The following WDR59 variants were observed in gnomAD, a reference collection of about 807,000 sequenced individuals.
WDR59 encodes the protein WD repeat domain 59, also known as GATOR2 complex protein WDR59.
WDR59 carries 100 observed loss-of-function variants against 131.2 expected under a neutral mutation model. The ratio of observed to expected loss-of-function variants is 0.76; its 90% confidence interval spans 0.65 to 0.90. The LOEUF is 0.90. WDR59 is among the 40% of genes least tolerant of loss of function. The pLI is 0.00. For missense variants in WDR59, 1,203 were observed against 1,262.2 expected, an observed-to-expected ratio of 0.95 and a Z score of 0.71; for synonymous variants, 601 against 466.2, an observed-to-expected ratio of 1.29 and a Z score of -3.72.
At chr16:74,976,785 T>C (rs541947305) in intron 1 of WDR59, among the ~76,000 whole-genome samples, 1 of 152,080 alleles carries the variant, frequency 6.6e-6, no homozygotes, top group Non-Finnish European at 1.5e-5. Context: ...TGGGAGGCCA[T>C]GGTAGGTGGA....
intron 18 of WDR59, among the ~76,000 whole-genome samples, chr16:74,898,161 CAT>C (rs1965380660): frequency 6.6e-6 from 1 of 152,184 alleles, no homozygotes; most frequent in Non-Finnish European, 1.5e-5. Context: ...CAGGTAATAA[CAT>C]ATGGATTTCT....
chr16:74,900,615 C>T (rs754101576), intron 18 of WDR59, among the ~76,000 whole-genome samples: 3 of 152,152 alleles, frequency 2.0e-5, no homozygotes, highest in Non-Finnish European at 2.9e-5. Flanking sequence ...AGTCGGTTCA[C>T]TTGTCAAATG....
At position 74,981,064 on chromosome 16, in the gene WDR59, C is replaced by CAA. The variant is rs34466011; in HGVS notation, c.54+3898_54+3899dup. On this transcript the variant is annotated intron_variant, in intron 1 of 25. Coordinates refer to ENST00000262144, the MANE Select transcript of WDR59 (RefSeq NM_030581.4). ...ACAAGAACGTAAAGCCCCATCTCTG[C>CAA]AAAAAAAAACACACAAAAAGGCCGG... Among the ~76,000 whole-genome samples, 52 of 145,344 alleles carry CAA rather than the reference C, an allele frequency of 3.6e-4. 1 individual carries two copies. Among genetic ancestry groups the CAA allele is most frequent in the East Asian group, 2.0e-3 (10 of 5,014 alleles).
intron 10 of WDR59, 101 bp from the exon 11 acceptor site, chr16:74,918,109 A>G: frequency 8.9e-7 from 1 of 1,129,450 alleles, no homozygotes; most frequent in Non-Finnish European, 1.3e-6. Context: ...TTCAACAAAC[A>G]TCTACTGAAC....
intron 1 of WDR59, among the ~76,000 whole-genome samples, chr16:74,981,407 A>C (rs927021936): frequency 2.0e-5 from 3 of 148,360 alleles, no homozygotes; most frequent in African/African-American, 7.4e-5. Flanking sequence ...CACACACACA[A>C]AATTGTGGGG....
intron 6 of WDR59, 41 bp from the exon 7 acceptor site, chr16:74,942,867 G>A (rs2032340417): frequency 5.1e-6 from 8 of 1,582,708 alleles, no homozygotes; most frequent in African/African-American, 1.3e-5. Flanking sequence ...TGCCCTTGGT[G>A]CTTTCGGAAG....
chr16:74,883,005 T>G (rs149841888), intron 25 of WDR59, among the ~76,000 whole-genome samples: 2,027 of 148,654 alleles, frequency 0.014, 36 homozygotes, highest in African/African-American at 0.045. Flanking sequence ...GTTTCTTTCG[T>G]TTTTTTGTTT....
intron 6 of WDR59, among the ~76,000 whole-genome samples, chr16:74,943,995 C>T (rs569865627): frequency 6.6e-6 from 1 of 152,112 alleles, no homozygotes; most frequent in East Asian, 1.9e-4. Context: ...GTGGCTTCTT[C>T]GCACGGAAGG....
At chr16:74,927,659 T>C (rs540643065) in intron 8 of WDR59, among the ~76,000 whole-genome samples, 31 of 141,974 alleles carry the variant, frequency 2.2e-4, no homozygotes, top group Non-Finnish European at 3.0e-5. Flanking sequence ...ACTTCTGATG[T>C]TTTAGATTTG....
intron 2 of WDR59, chr16:74,963,149 G>C (rs1485274930): frequency 2.6e-5 from 4 of 152,068 alleles, no homozygotes. Context: ...CCAGCTACTC[G>C]GGAGGTTGAG....
chr16:74,904,339 A>C (rs1396294364), intron 17 of WDR59: 1 of 451,574 alleles, frequency 2.2e-6, no homozygotes, highest in Non-Finnish European at 4.0e-6. Flanking sequence ...AGAATAAGTG[A>C]ATTTGAATAC....
chr16:74,915,813 C>G lies in WDR59; in HGVS notation c.1224+57G>C, dbSNP rs1597707830. The stretch of plus-strand genomic sequence containing the variant: ...AACTGAAATCATTGCTGAAATGGTT[C>G]CCTCTCCCACAAACTGCCATCAGCA... On this transcript the variant is annotated intron_variant, in intron 13 of 25. Transcript: ENST00000262144. 12 of 1,608,300 alleles carry G rather than the reference C, an allele frequency of 7.5e-6. No homozygotes were observed. In the East Asian group the frequency reaches 2.5e-4, roughly 33 times the overall value.
At chr16:74,964,695 T>C (rs1448513598) in intron 2 of WDR59, among the ~76,000 whole-genome samples, 1 of 150,770 alleles carries the variant, frequency 6.6e-6, no homozygotes, top group Admixed American at 6.6e-5. Context: ...ATACAGTGGA[T>C]CCTAGAGGTA....
chr16:74,908,841 C>G, intron 17 of WDR59, 67 bp downstream of exon 17: 2 of 1,379,186 alleles, frequency 1.5e-6, no homozygotes, highest in East Asian at 2.3e-5. Context: ...CTCAGTGGTC[C>G]TTCCCAGGTC....
intron 6 of WDR59, 32 bp from the exon 7 acceptor site, chr16:74,942,858 G>T (rs1371316548): frequency 1.3e-6 from 2 of 1,596,630 alleles, no homozygotes; most frequent in Admixed American, 3.4e-5. Context: ...GAAAGCTGCT[G>T]CCCTTGGTGC....
chr16:74,915,284 T>TA (rs774320699), intron 13 of WDR59, among the ~76,000 whole-genome samples: 5 of 152,062 alleles, frequency 3.3e-5, no homozygotes, highest in Non-Finnish European at 5.9e-5. Flanking sequence ...TCCTCTACAG[T>TA]AAAATGAGAT....
chr16:74,968,793 T>C (rs2033872799), intron 1 of WDR59, among the ~76,000 whole-genome samples: 1 of 152,020 alleles, frequency 6.6e-6, no homozygotes, highest in South Asian at 2.1e-4. Flanking sequence ...GAGGAAGTTA[T>C]TTAAAAAAAA....
intron 1 of WDR59, among the ~76,000 whole-genome samples, chr16:74,981,631 T>C (rs866782703): frequency 8.1e-3 from 47 of 5,768 alleles, no homozygotes; most frequent in East Asian, 0.054. Flanking sequence ...TATATATATA[T>C]ATATATATAT....
intron 1 of WDR59, among the ~76,000 whole-genome samples, chr16:74,982,873 G>T (rs1408934054): frequency 6.6e-6 from 1 of 152,090 alleles, no homozygotes; most frequent in Admixed American, 6.6e-5. Context: ...GACAGGATGG[G>T]GTTTTGGAAA....
Sources: gnomAD v4.1 joint callset for allele counts (sites outside exome capture counted in the v4.1 genomes callset) on GRCh38, gnomAD v4.1.1 for gene constraint, MANE v1.5 for transcripts, NCBI Gene and HGNC (gene_info 2026-07-23, HGNC 2026-07-21) for gene names.